Variants in GK5 observed in about 807,000 individuals in gnomAD.
The protein encoded by GK5 is ATP:glycerol 3-phosphotransferase 5.
GK5 carries 39 observed loss-of-function variants against 77.3 expected under a neutral mutation model. The ratio of observed to expected loss-of-function variants is 0.50; its 90% CI spans 0.39 to 0.66. GK5 has a LOEUF of 0.66. Ranked by LOEUF, GK5 falls within the 30% of genes least tolerant of loss-of-function variation. The pLI, the probability that GK5 is intolerant of heterozygous loss-of-function variation, is 0.00. For synonymous variants in GK5, 211 were observed against 208.0 expected, an observed-to-expected ratio of 1.01 and a Z score of -0.13; for missense variants, 487 against 633.8, an observed-to-expected ratio of 0.77 and a Z score of 2.49.
intron 3 of GK5, among the ~76,000 whole-genome samples, chr3:142,212,855 A>C (rs1354834368): frequency 5.8e-5 from 1 of 17,126 alleles, no homozygotes; most frequent in Non-Finnish European, 1.1e-4. Flanking sequence ...TTTTTTTTTG[A>C]GACGGAGTCT....
chr3:142,164,641 A>T lies in GK5; in HGVS notation c.*981T>A. On this transcript the variant is annotated 3_prime_UTR_variant, in exon 16 of 16. Transcript: ENST00000392993. ...ACAGGGATGAGTAGACTGAACAAACATCAAAAAGACGCAGGAACAAATAAA... is the reference window on the plus strand; with the variant it reads ...ACAGGGATGAGTAGACTGAACAAACTTCAAAAAGACGCAGGAACAAATAAA... The T allele has an allele frequency of 6.6e-6, 1 of 152,240 alleles. No homozygotes were observed. The highest frequency in any genetic ancestry group is 1.9e-4 in the East Asian group (1 of 5,200). 9.4% of individuals were successfully genotyped at this position (152,240 alleles called of 1,614,324 possible).
Position 142,165,709 on chromosome 3 carries a change from T to C in GK5, c.1503A>G (p.Pro501=), listed in dbSNP as rs1465090258. 8 of 1,613,216 alleles carry C rather than the reference T, an allele frequency of 5.0e-6. No homozygotes were observed. In the Admixed American group the frequency reaches 1.0e-4, roughly 20 times the overall value. Residue 501 remains proline (P), a synonymous_variant, in exon 16 of 16, where the codon CCA becomes CCG. Transcript: ENST00000392993. ...TTTCATATTCTTGACATTTCTTCTGTGGCTTGAAAACCACTTCACTTTGTC... is the reference window on the plus strand; with the variant it reads ...TTTCATATTCTTGACATTTCTTCTGCGGCTTGAAAACCACTTCACTTTGTC... ...KLRQSEVVFK[P]QKKCQEYEMS...
intron 1 of GK5, among the ~76,000 whole-genome samples, chr3:142,224,286 C>G (rs2064397672): frequency 6.6e-6 from 1 of 152,118 alleles, no homozygotes; most frequent in Admixed American, 6.5e-5. Context: ...GGCCCCTTGC[C>G]TGTAGTCCCA....
At position 142,164,906 on chromosome 3, in the gene GK5, T is replaced by C. The variant is rs1221703349; in HGVS notation, c.*716A>G. 1.3e-5 allele frequency: 2 copies of C among 152,512 alleles called. No homozygotes were observed. Among genetic ancestry groups the C allele is most frequent in the Non-Finnish European group, 2.9e-5 (2 of 68,040 alleles). 9.4% of individuals were successfully genotyped at this position (152,512 alleles called of 1,614,324 possible). A position where few individuals can be genotyped will look rare whatever the true frequency, so the allele number is the denominator to read the frequency against. On this transcript the variant is annotated 3_prime_UTR_variant, in exon 16 of 16. Coordinates refer to ENST00000392993, the MANE Select transcript of GK5 (RefSeq NM_001039547.3). ...AGGAAAATAAGTAGTATTTTTCTGT[T>C]TCTTAAAAATCAATATTCTTTCTAG...
At chr3:142,225,204 C>T in intron 1 of GK5, 105 bp downstream of exon 1, 2 of 1,256,978 alleles carry the variant, frequency 1.6e-6, no homozygotes, top group Non-Finnish European at 2.1e-6. Flanking sequence ...CAGGTGGCCG[C>T]GTCCAGGGCG....
At chr3:142,167,281 C>T (rs922348639) in intron 15 of GK5, among the ~76,000 whole-genome samples, 3 of 151,656 alleles carry the variant, frequency 2.0e-5, no homozygotes, top group Admixed American at 6.6e-5. Context: ...GGCTGAAGCA[C>T]GAGAATCACT....
intron 4 of GK5, among the ~76,000 whole-genome samples, chr3:142,200,447 C>T (rs778989154): frequency 1.5e-4 from 23 of 152,148 alleles, no homozygotes; most frequent in Admixed American, 4.6e-4. Flanking sequence ...GGATTACAGG[C>T]GTGAACCACT....
chr3:142,186,425 T>G, intron 7 of GK5, 27 bp downstream of exon 7: 1 of 1,343,204 alleles, frequency 7.4e-7, no homozygotes, highest in East Asian at 2.4e-5. Context: ...AATGTGTGAT[T>G]CAAAAAGAAG....
chr3:142,173,743 G>T lies in GK5; in HGVS notation c.1144-1287C>A, dbSNP rs372476473. The stretch of plus-strand genomic sequence containing the variant: ...ACATGAAAAACAAAGATCCCTGCTG[G>T]AGCTTGCAGTCTCACAGTCTCACAA... On this transcript the variant is annotated intron_variant, in intron 12 of 15. Transcript: ENST00000392993. Among the ~76,000 whole-genome samples the T allele has an allele frequency of 7.2e-5, 11 of 152,050 alleles. No homozygotes were observed. The East Asian group carries it at 1.7e-3, about 24-fold the overall frequency.
At chr3:142,167,581 G>A (rs1015913858) in intron 15 of GK5, among the ~76,000 whole-genome samples, 7 of 152,114 alleles carry the variant, frequency 4.6e-5, no homozygotes, top group Admixed American at 1.3e-4. Context: ...TATGTATAGA[G>A]CAAATCCAAT....
chr3:142,167,956 G>GA (rs750284253), intron 15 of GK5, among the ~76,000 whole-genome samples: 2 of 152,204 alleles, frequency 1.3e-5, no homozygotes, highest in Non-Finnish European at 2.9e-5. Context: ...AGGTTTCAGT[G>GA]AGCTGAGATT....
At chr3:142,218,361 C>T (rs1169941818) in intron 1 of GK5, among the ~76,000 whole-genome samples, 2 of 138,984 alleles carry the variant, frequency 1.4e-5, no homozygotes, top group African/African-American at 2.8e-5. Context: ...GGTGAAACTC[C>T]GTCTCTACTA....
chr3:142,186,625 ATTTTCTTTTTTT>A (rs2063775482), intron 6 of GK5, 112 bp from the exon 7 acceptor site: 2 of 338,944 alleles, frequency 5.9e-6, no homozygotes, highest in Non-Finnish European at 1.0e-5. Flanking sequence ...CAAAATGTGT[ATTTTCTTTTTTT>A]TTTTTTTTTT....
chr3:142,171,562 C>G, intron 13 of GK5, 84 bp from the exon 14 acceptor site: 1 of 928,274 alleles, frequency 1.1e-6, no homozygotes, highest in Non-Finnish European at 1.5e-6. Flanking sequence ...AAAATACAAA[C>G]TATAGTTTTA....
At chr3:142,165,791 C>A in intron 15 of GK5, 21 bp from the exon 16 acceptor site, 1 of 1,538,080 alleles carries the variant, frequency 6.5e-7, no homozygotes, top group Non-Finnish European at 8.7e-7. Context: ...AAAAATTATC[C>A]TCAAATTTTA....
At chr3:142,183,865 T>C (rs1406777598) in intron 9 of GK5, among the ~76,000 whole-genome samples, 3 of 152,048 alleles carry the variant, frequency 2.0e-5, no homozygotes, top group African/African-American at 4.8e-5. Flanking sequence ...TCCCAGAATG[T>C]TGGGATTACA....
chr3:142,210,698 A>G (rs1008036928), intron 3 of GK5, among the ~76,000 whole-genome samples: 1 of 152,250 alleles, frequency 6.6e-6, no homozygotes, highest in African/African-American at 2.4e-5. Context: ...TTATCCCTCT[A>G]CAACACCACC....
At chr3:142,187,386 T>C (rs1345731347) in intron 6 of GK5, among the ~76,000 whole-genome samples, 1 of 151,886 alleles carries the variant, frequency 6.6e-6, no homozygotes, top group Non-Finnish European at 1.5e-5. Flanking sequence ...GATGGATTGC[T>C]TGAGTCCAGG....
At chr3:142,184,176 G>T (rs995734473) in intron 9 of GK5, among the ~76,000 whole-genome samples, 11 of 145,072 alleles carry the variant, frequency 7.6e-5, no homozygotes, top group African/African-American at 2.8e-4. Flanking sequence ...CAGGAGAATG[G>T]CATGAGCCTG....
Sources: gnomAD v4.1 joint callset for allele counts (sites outside exome capture counted in the v4.1 genomes callset) on GRCh38, gnomAD v4.1.1 for gene constraint, MANE v1.5 for transcripts, NCBI Gene and HGNC (gene_info 2026-07-23, HGNC 2026-07-21) for gene names.